VPS50: variants seen among roughly 807,000 people sequenced by gnomAD.
VPS50 encodes VPS50 subunit of EARP/GARPII complex.
A neutral mutation model predicts 139.7 loss-of-function variants in VPS50; 70 were observed. The ratio of observed to expected loss-of-function variants is 0.50; its 90% CI spans 0.41 to 0.61. The LOEUF is 0.61. Among genes scored for constraint, VPS50 ranks in the 20% least tolerant of loss-of-function variants. The pLI is 0.00. For synonymous variants in VPS50, 365 were observed against 376.7 expected (o/e 0.97, Z 0.36); for missense variants, 921 against 1,133.7 (o/e 0.81, Z 2.69).
intron 11 of VPS50, chr7:93,275,905 A>G (rs1331581703): frequency 2.5e-6 from 1 of 393,534 alleles, no homozygotes; most frequent in East Asian, 4.2e-5. Context: ...GAGCAAGATG[A>G]ATACCAGTTA....
At chr7:93,328,326 C>A (rs1007370223) in intron 21 of VPS50, among the ~76,000 whole-genome samples, 1 of 152,104 alleles carries the variant, frequency 6.6e-6, no homozygotes, top group African/African-American at 2.4e-5. Flanking sequence ...ATTTGCCATC[C>A]CAGTAAATCT....
intron 2 of VPS50, among the ~76,000 whole-genome samples, chr7:93,240,247 A>ACACT (rs869184687): frequency 6.9e-6 from 1 of 143,980 alleles, no homozygotes. Context: ...ACACACACAC[A>ACACT]CACTCTCTCT....
intron 2 of VPS50, among the ~76,000 whole-genome samples, chr7:93,248,904 A>G (rs1304963840): frequency 6.6e-6 from 1 of 152,166 alleles, no homozygotes; most frequent in Non-Finnish European, 1.5e-5. Flanking sequence ...ATTTTCACAT[A>G]GAAGTTATGA....
At chr7:93,251,283 C>G (rs950248546) in intron 2 of VPS50, among the ~76,000 whole-genome samples, 1 of 152,074 alleles carries the variant, frequency 6.6e-6, no homozygotes, top group Admixed American at 6.5e-5. Context: ...ACCCAAATGC[C>G]CATCAAGGAT....
At chr7:93,272,269 C>T (rs1796031562) in intron 10 of VPS50, among the ~76,000 whole-genome samples, 1 of 151,680 alleles carries the variant, frequency 6.6e-6, no homozygotes, top group East Asian at 1.9e-4. Context: ...TTTTATTGTT[C>T]TCCAGTAGTC....
At chr7:93,309,721 GATAATT>G (rs1208269656) in intron 19 of VPS50, among the ~76,000 whole-genome samples, 3 of 151,874 alleles carry the variant, frequency 2.0e-5, no homozygotes, top group African/African-American at 7.2e-5. Context: ...TCAAAACTAT[GATAATT>G]ATAAGAGAAT....
chr7:93,326,889 T>C (rs930597729), intron 21 of VPS50, among the ~76,000 whole-genome samples: 3 of 152,216 alleles, frequency 2.0e-5, no homozygotes, highest in Non-Finnish European at 2.9e-5. Flanking sequence ...TCATTTTATA[T>C]AGGACCTGAA....
At chr7:93,356,249 C>A in intron 27 of VPS50, 169 bp downstream of exon 27, 1 of 368,880 alleles carries the variant, frequency 2.7e-6, no homozygotes, top group South Asian at 7.7e-5. Flanking sequence ...TTAAGGGCAC[C>A]GTATCTAAGC....
chr7:93,242,373 A>C (rs758711014), intron 2 of VPS50, among the ~76,000 whole-genome samples: 1 of 151,884 alleles, frequency 6.6e-6, no homozygotes, highest in East Asian at 1.9e-4. Context: ...ATTTTACAGG[A>C]AGTAGTCAGT....
At chr7:93,292,339 AAT>A (rs1391513886) in intron 13 of VPS50, among the ~76,000 whole-genome samples, 1 of 152,162 alleles carries the variant, frequency 6.6e-6, no homozygotes, top group Non-Finnish European at 1.5e-5. Context: ...TTGAATGGAA[AAT>A]ATAACTTTAA....
chr7:93,358,421 C>A lies in VPS50; in HGVS notation c.2880C>A (p.Asp960Glu). Reference sequence around the variant, plus strand: ...TTCTAGCAGCTATAGATGATATAGACAGACCTAAAAGATAATGAACACAGC... The same window carrying A: ...TTCTAGCAGCTATAGATGATATAGAAAGACCTAAAAGATAATGAACACAGC... Reference protein sequence around the residue: ...QKLLAAIDDIDRPKR With the variant: ...QKLLAAIDDIERPKR Residue 960 changes from aspartate (D) to glutamate (E), a missense_variant, in exon 28 of 28, where the codon GAC becomes GAA. Asp to Glu is a conservative substitution (Grantham distance 45, BLOSUM62 2). Transcript: ENST00000305866. 1 of 1,611,292 alleles carries A rather than the reference C, an allele frequency of 6.2e-7. No individual in the cohort carries two copies. Among genetic ancestry groups the A allele is most frequent in the Non-Finnish European group, 8.5e-7 (1 of 1,177,784 alleles).
intron 21 of VPS50, among the ~76,000 whole-genome samples, chr7:93,324,929 G>T (rs1172669993): frequency 3.3e-5 from 5 of 152,086 alleles, no homozygotes; most frequent in African/African-American, 4.8e-5. Context: ...TTTCTTCACA[G>T]AATTGGAAAA....
intron 23 of VPS50, among the ~76,000 whole-genome samples, chr7:93,345,847 T>G (rs947543470): frequency 7.2e-5 from 11 of 152,170 alleles, no homozygotes; most frequent in Non-Finnish European, 1.3e-4. Flanking sequence ...AAGAGCTATC[T>G]ATGACAAACC....
chr7:93,273,937 GA>G (rs1422115276), intron 11 of VPS50, among the ~76,000 whole-genome samples: 2 of 152,068 alleles, frequency 1.3e-5, no homozygotes, highest in Non-Finnish European at 2.9e-5. Flanking sequence ...CTGGGATGGT[GA>G]TCTGTGTTTA....
chr7:93,293,939 C>T (rs1796725870), intron 13 of VPS50, among the ~76,000 whole-genome samples: 1 of 152,158 alleles, frequency 6.6e-6, no homozygotes, highest in Non-Finnish European at 1.5e-5. Context: ...CTTAGTTGTT[C>T]TTCACAGGAT....
intron 20 of VPS50, among the ~76,000 whole-genome samples, chr7:93,311,839 A>C (rs995615217): frequency 2.0e-5 from 3 of 152,144 alleles, no homozygotes; most frequent in Non-Finnish European, 4.4e-5. Context: ...GATTTTTTTA[A>C]AATCAGTATT....
intron 2 of VPS50, among the ~76,000 whole-genome samples, chr7:93,240,251 TCTC>T (rs1230788302): frequency 1.4e-5 from 2 of 138,652 alleles, no homozygotes; most frequent in African/African-American, 5.7e-5. Context: ...ACACACACAC[TCTC>T]TCTCTCTCTC....
intron 21 of VPS50, among the ~76,000 whole-genome samples, chr7:93,324,764 C>T (rs12666774): frequency 0.068 from 10,391 of 152,036 alleles, 419 homozygotes; most frequent in East Asian, 0.18. Context: ...TCAAGGAGAA[C>T]TACAAACCAC....
intron 12 of VPS50, among the ~76,000 whole-genome samples, chr7:93,284,578 C>T (rs935099615): frequency 2.6e-5 from 4 of 151,996 alleles, no homozygotes; most frequent in African/African-American, 7.3e-5. Context: ...GATAAAATGC[C>T]GTAGATGAGA....
Sources: allele counts gnomAD v4.1 joint callset (sites outside exome capture counted in the v4.1 genomes callset), GRCh38; gene constraint gnomAD v4.1.1; transcripts MANE v1.5; gene names NCBI Gene and HGNC (gene_info 2026-07-23, HGNC 2026-07-21).